EFR3A: variants seen among roughly 807,000 people sequenced by gnomAD.
The protein encoded by EFR3A is protein EFR3 homolog A.
Under a neutral mutation model 104.4 loss-of-function variants are expected in EFR3A, and 76 were observed. That is an observed-to-expected ratio of 0.73 (90% CI 0.60 to 0.88). The LOEUF (loss-of-function observed/expected upper bound fraction) is 0.88. EFR3A is among the 40% of genes least tolerant of loss of function. EFR3A has a pLI of 0.00. For missense variants in EFR3A, 985 were observed against 1,012.5 expected (o/e 0.97, Z 0.37); for synonymous variants, 330 against 330.0 (o/e 1.00, Z 0.00).
At chr8:131,976,243 G>C (rs748502787) in intron 11 of EFR3A, 102 bp downstream of exon 11, 29 of 752,650 alleles carry the variant, frequency 3.9e-5, no homozygotes, top group Middle Eastern at 6.9e-4. Flanking sequence ...AAAATCATTA[G>C]TAATAGCATT....
intron 14 of EFR3A, among the ~76,000 whole-genome samples, chr8:131,981,021 T>TTATATATATATA (rs762282805): frequency 2.9e-4 from 36 of 126,038 alleles, no homozygotes; most frequent in African/African-American, 9.0e-4. Context: ...GTATTTCATT[T>TTATATATATATA]TATATATATA....
intron 9 of EFR3A, among the ~76,000 whole-genome samples, chr8:131,970,069 T>C (rs1819964581): frequency 6.6e-6 from 1 of 152,216 alleles, no homozygotes; most frequent in South Asian, 2.1e-4. Flanking sequence ...AGATACAAAA[T>C]AAATATTTGA....
intron 15 of EFR3A, 101 bp from the exon 16 acceptor site, chr8:131,984,828 G>A: frequency 8.9e-7 from 1 of 1,125,608 alleles, no homozygotes; most frequent in Admixed American, 3.0e-5. Context: ...TGGCATTTTT[G>A]TTAGCTTTCC....
At chr8:131,909,596 C>A (rs753217715) in intron 1 of EFR3A, among the ~76,000 whole-genome samples, 1 of 152,106 alleles carries the variant, frequency 6.6e-6, no homozygotes, top group Non-Finnish European at 1.5e-5. Flanking sequence ...CTTTGCAGGC[C>A]TGTCTGTACC....
chr8:131,959,726 A>G (rs1819208676), intron 8 of EFR3A, 63 bp downstream of exon 8: 1 of 1,091,816 alleles, frequency 9.2e-7, no homozygotes, highest in East Asian at 2.5e-5. Context: ...ATGGATAAGC[A>G]CATTATCAAA....
intron 1 of EFR3A, 29 bp from the exon 2 acceptor site, chr8:131,940,470 G>C (rs760517358): frequency 2.6e-6 from 4 of 1,528,492 alleles, no homozygotes; most frequent in Non-Finnish European, 3.5e-6. Context: ...AATAATATCT[G>C]TATTTCTTGA....
intron 12 of EFR3A, among the ~76,000 whole-genome samples, chr8:131,978,212 A>G (rs1187308310): frequency 6.6e-6 from 1 of 152,148 alleles, no homozygotes; most frequent in East Asian, 1.9e-4. Flanking sequence ...TAAGTAAATT[A>G]TTTTGCCTTG....
In EFR3A at chr8:131,976,118, T is replaced by C. The variant is rs745750746; in HGVS notation, c.1251T>C (p.His417=). 1.9e-6 allele frequency: 3 copies of C among 1,595,356 alleles called. No individual in the cohort carries two copies. The East Asian group carries it at 6.7e-5, about 36-fold the overall frequency. The change falls in exon 11 of 23, where the codon CAT becomes CAC. Residue 417 remains histidine, a synonymous_variant. Coordinates refer to ENST00000254624, the MANE Select transcript of EFR3A (RefSeq NM_015137.6). ...TACCTGTCTTTGGAACATCTACCCA[T>C]ACTTTGGATATCAGTCAACTAGGGT... The part of the protein sequence containing the change: ...GKVPVFGTST[H]TLDISQLGDL...
intron 21 of EFR3A, 87 bp from the exon 22 acceptor site, chr8:132,003,149 A>C (rs1439003554): frequency 1.8e-6 from 2 of 1,096,826 alleles, no homozygotes; most frequent in Admixed American, 2.0e-5. Context: ...AGTCACAATT[A>C]TACTTTGTCT....
At position 131,959,636 on chromosome 8, in the gene EFR3A, C is replaced by G; in HGVS notation, c.828C>G (p.Cys276Trp). Residue 276 changes from cysteine to tryptophan, a missense_variant, in exon 8 of 23, where the codon TGC (cysteine) becomes TGG (tryptophan). Transcript: ENST00000254624. ...ATCCCAATGAATTTGCAGTTCACTG[C>G]TTTAAAATTATAATGTATTCCATTC... Reference protein sequence around the residue: ...LWDPNEFAVHCFKIIMYSIQA... With the variant: ...LWDPNEFAVHWFKIIMYSIQA... 6.2e-7 allele frequency: 1 copy of G among 1,611,644 alleles called. No individual in the cohort carries two copies. The highest frequency in any genetic ancestry group is 1.3e-5 in the African/African-American group (1 of 74,908).
At chr8:131,961,828 A>G (rs1819355899) in intron 8 of EFR3A, among the ~76,000 whole-genome samples, 1 of 152,130 alleles carries the variant, frequency 6.6e-6, no homozygotes, top group East Asian at 1.9e-4. Flanking sequence ...GGTTACCCAC[A>G]AAGGGAAGCC....
In EFR3A at chr8:131,940,736, C is replaced by T. The variant is rs1022021536; in HGVS notation, c.87+161C>T. 6 of 1,195,680 alleles carry T rather than the reference C, an allele frequency of 5.0e-6. No homozygotes were observed. In the Admixed American group the frequency reaches 1.3e-4, roughly 26 times the overall value. 74.1% of individuals were successfully genotyped at this position (1,195,680 alleles called of 1,614,324 possible). Reference sequence around the variant, plus strand: ...TTTTCTTTTTTTTACTCTTAAATGACCCATGCTTGCTTGTCTAGTTTTCAG... The same window carrying T: ...TTTTCTTTTTTTTACTCTTAAATGATCCATGCTTGCTTGTCTAGTTTTCAG... On this transcript the variant is annotated intron_variant, in intron 2 of 22. Transcript: ENST00000254624.
intron 22 of EFR3A, among the ~76,000 whole-genome samples, chr8:132,009,954 A>G (rs958698059): frequency 1.3e-5 from 2 of 152,238 alleles, no homozygotes; most frequent in Middle Eastern, 3.4e-3. Flanking sequence ...TCCCAAATTG[A>G]TAAGAGAAAA....
intron 19 of EFR3A, among the ~76,000 whole-genome samples, chr8:131,999,694 T>TA (rs974150021): frequency 2.0e-5 from 3 of 150,442 alleles, no homozygotes; most frequent in Non-Finnish European, 2.9e-5. Flanking sequence ...ATAAAGCAGT[T>TA]AGTCTTAAAA....
At chr8:131,982,537 G>C (rs530229308) in intron 14 of EFR3A, among the ~76,000 whole-genome samples, 2 of 152,146 alleles carry the variant, frequency 1.3e-5, no homozygotes, top group Admixed American at 1.3e-4. Context: ...GTATTCTTCA[G>C]ATTCACTAGA....
At chr8:131,972,142 A>G (rs1820089773) in intron 10 of EFR3A, among the ~76,000 whole-genome samples, 1 of 151,514 alleles carries the variant, frequency 6.6e-6, no homozygotes, top group Non-Finnish European at 1.5e-5. Context: ...AACTCAATGG[A>G]TTTATATTTT....
At chr8:131,912,959 G>A (rs942119730) in intron 1 of EFR3A, among the ~76,000 whole-genome samples, 5 of 147,312 alleles carry the variant, frequency 3.4e-5, no homozygotes, top group Admixed American at 7.0e-5. Context: ...AATAGGAATG[G>A]AGCTTTCTTC....
intron 1 of EFR3A, among the ~76,000 whole-genome samples, chr8:131,933,465 G>T (rs1817718525): frequency 2.7e-5 from 1 of 37,392 alleles, no homozygotes; most frequent in South Asian, 9.4e-4. Flanking sequence ...AATGAAAAGG[G>T]AATGATATCT....
chr8:131,913,192 A>C (rs1017929928), intron 1 of EFR3A, among the ~76,000 whole-genome samples: 4 of 147,658 alleles, frequency 2.7e-5, no homozygotes, highest in African/African-American at 1.0e-4. Flanking sequence ...CTAGGGAAGT[A>C]TGATCACAAA....
Sources: allele counts gnomAD v4.1 joint callset (sites outside exome capture counted in the v4.1 genomes callset), GRCh38; gene constraint gnomAD v4.1.1; transcripts MANE v1.5; gene names NCBI Gene and HGNC (gene_info 2026-07-23, HGNC 2026-07-21).